CCDC12: variants seen among roughly 807,000 people sequenced by gnomAD.
The protein encoded by CCDC12 is coiled-coil domain containing 12.
In CCDC12, 28 loss-of-function variants were observed where a neutral mutation model predicts 25.7. The ratio of observed to expected loss-of-function variants is 1.09; its 90% confidence interval spans 0.81 to 1.50. The LOEUF is 1.50. CCDC12 is among the 40% of genes most tolerant of loss of function. CCDC12 has a pLI of 0.00. For missense variants in CCDC12, 198 were observed against 210.0 expected, an observed-to-expected ratio of 0.94 and a Z score of 0.35; for synonymous variants, 75 against 87.7, an observed-to-expected ratio of 0.86 and a Z score of 0.81.
intron 3 of CCDC12, 120 bp downstream of exon 3, chr3:46,925,336 T>G: frequency 1.2e-6 from 1 of 835,792 alleles, no homozygotes; most frequent in Non-Finnish European, 2.0e-6. Flanking sequence ...CAAAGGGTCC[T>G]GCCTGCAGGC....
At chr3:46,952,528 C>G (rs1353155538) in intron 1 of CCDC12, among the ~76,000 whole-genome samples, 1 of 152,208 alleles carries the variant, frequency 6.6e-6, no homozygotes, top group Non-Finnish European at 1.5e-5. Context: ...CTGCTTCTCT[C>G]CTGCAAAATG....
chr3:46,959,189 A>C (rs1275756469), intron 1 of CCDC12, among the ~76,000 whole-genome samples: 1 of 112,846 alleles, frequency 8.9e-6, no homozygotes, highest in Admixed American at 1.1e-4. Flanking sequence ...CCCCACCTAC[A>C]CACACTTCCT....
upstream of CCDC12, chr3:46,980,018 CCGCGCGCGCG>C: frequency 4.1e-5 from 1 of 24,230 alleles, no homozygotes; most frequent in South Asian, 2.0e-3. Flanking sequence ...GGCCGCGTAG[CCGCGCGCGCG>C]GGCGCGCGCG....
chr3:46,934,274 C>A (rs2033353520), intron 2 of CCDC12, among the ~76,000 whole-genome samples: 1 of 152,250 alleles, frequency 6.6e-6, no homozygotes, highest in Non-Finnish European at 1.5e-5. Context: ...AGCCCACAGA[C>A]CACTCTGGGA....
At chr3:46,945,847 T>C (rs2033881644) in intron 1 of CCDC12, among the ~76,000 whole-genome samples, 1 of 152,254 alleles carries the variant, frequency 6.6e-6, no homozygotes, top group Non-Finnish European at 1.5e-5. Flanking sequence ...TGATGTTCAC[T>C]GATATTGATA....
chr3:46,978,827 C>CA (rs2035104518), upstream of CCDC12, among the ~76,000 whole-genome samples: 1 of 152,108 alleles, frequency 6.6e-6, no homozygotes, highest in South Asian at 2.1e-4. Flanking sequence ...ACTAAAAATA[C>CA]AAAAAATTAG....
Position 46,948,056 on chromosome 3 carries a change from G to C in CCDC12, c.97-6991C>G, listed in dbSNP as rs144316401. The stretch of plus-strand genomic sequence containing the variant: ...GCCCAGAACGGTGTGCCTCTGCAGA[G>C]GTCATGGGAAGCTCCCATGCCCATC... On this transcript the variant is annotated intron_variant, in intron 1 of 6. Transcript: ENST00000683445. Among the ~76,000 whole-genome samples the C allele has an allele frequency of 2.6e-4, 39 of 152,338 alleles. 1 individual carries two copies. In the South Asian group the frequency reaches 4.8e-3, roughly 19 times the overall value.
At chr3:46,923,444 T>C in intron 4 of CCDC12, 81 bp from the exon 5 acceptor site, 2 of 1,533,206 alleles carry the variant, frequency 1.3e-6, no homozygotes, top group East Asian at 2.4e-5. Flanking sequence ...AGGAGGGAAA[T>C]GGGAGAAAGA....
chr3:46,922,445 G>A (rs986552093), intron 5 of CCDC12, 133 bp from the exon 6 acceptor site: 3 of 900,792 alleles, frequency 3.3e-6, no homozygotes, highest in African/African-American at 3.3e-5. Flanking sequence ...CTGGGGAAGA[G>A]GCCAGGACAT....
intron 2 of CCDC12, among the ~76,000 whole-genome samples, chr3:46,928,240 C>CAA (rs558315290): frequency 1.4e-5 from 2 of 139,330 alleles, no homozygotes; most frequent in African/African-American, 5.3e-5. Context: ...CAGACTGTCT[C>CAA]AAAAAAAAAA....
At chr3:46,940,662 G>GC (rs2033664126) in intron 2 of CCDC12, 1 of 284,242 alleles carries the variant, frequency 3.5e-6, no homozygotes, top group Non-Finnish European at 6.7e-6. Flanking sequence ...AGCTTCACAT[G>GC]CCAAGTGCAG....
intron 2 of CCDC12, among the ~76,000 whole-genome samples, chr3:46,935,263 G>T (rs1467589024): frequency 6.6e-6 from 1 of 152,218 alleles, no homozygotes; most frequent in African/African-American, 2.4e-5. Context: ...CAGGGAGGTG[G>T]TGGCTGTGGA....
chr3:46,981,399 G>A (rs886395199), upstream of CCDC12, among the ~76,000 whole-genome samples: 2 of 152,076 alleles, frequency 1.3e-5, no homozygotes, highest in Non-Finnish European at 2.9e-5. Flanking sequence ...CCGAGATCGC[G>A]CCACTGCACT....
intron 2 of CCDC12, among the ~76,000 whole-genome samples, chr3:46,926,435 G>A (rs952201932): frequency 1.2e-4 from 19 of 152,220 alleles, no homozygotes; most frequent in African/African-American, 4.6e-4. Context: ...GGAGCCACAA[G>A]GGGCCAGAAT....
At position 46,923,335 on chromosome 3, in the gene CCDC12, G is replaced by T; in HGVS notation, c.335C>A (p.Pro112His). The change falls in exon 5 of 7, where the codon CCT becomes CAT. Residue 112 changes from proline (P) to histidine (H), a missense_variant. Pro to His is a moderately conservative substitution (Grantham distance 77, BLOSUM62 -2). Coordinates refer to ENST00000683445, the MANE Select transcript of CCDC12 (RefSeq NM_001277074.2). ...ACGCACGGGCAACACTCACCAGTCA[G>T]GCTTCCGAGGAGCGAGGTTGGCCAG... ...VDLANLAPRK[P>H]DWDLKRDVAK... 2.0e-6 allele frequency: 3 copies of T among 1,491,732 alleles called. No individual in the cohort carries two copies. In the South Asian group the frequency reaches 4.2e-5, roughly 21 times the overall value. The allele number at this position is 1,491,732 out of a possible 1,614,324, so 92.4% of individuals were successfully genotyped here.
At chr3:46,926,119 G>A (rs1321601941) in intron 2 of CCDC12, among the ~76,000 whole-genome samples, 1 of 152,246 alleles carries the variant, frequency 6.6e-6, no homozygotes, top group Non-Finnish European at 1.5e-5. Context: ...CCAGGGGCAT[G>A]TGGCAGTGAG....
intron 1 of CCDC12, among the ~76,000 whole-genome samples, chr3:46,955,410 T>G (rs1443499900): frequency 1.3e-5 from 2 of 152,020 alleles, no homozygotes; most frequent in Non-Finnish European, 2.9e-5. Context: ...ATAACCACCC[T>G]ATAGTGCATC....
At chr3:46,963,244 C>G (rs1015117088) in intron 1 of CCDC12, among the ~76,000 whole-genome samples, 1 of 152,268 alleles carries the variant, frequency 6.6e-6, no homozygotes, top group South Asian at 2.1e-4. Context: ...GGCATGTTCA[C>G]CTTAGGAAAA....
chr3:46,971,961 CA>C (rs2034816246), intron 1 of CCDC12, among the ~76,000 whole-genome samples: 1 of 152,122 alleles, frequency 6.6e-6, no homozygotes, highest in Non-Finnish European at 1.5e-5. Flanking sequence ...ACTTCCTCAC[CA>C]GACTCCCCAC....
Sources: allele counts gnomAD v4.1 joint callset (sites outside exome capture counted in the v4.1 genomes callset), GRCh38; gene constraint gnomAD v4.1.1; transcripts MANE v1.5; gene names NCBI Gene and HGNC (gene_info 2026-07-23, HGNC 2026-07-21).